Variants in GALNT17 observed in about 807,000 individuals in gnomAD.
The protein encoded by GALNT17 is UDP-GalNAc:polypeptide N-acetylgalactosaminyltransferase-like 3.
A neutral mutation model predicts 63.7 loss-of-function variants in GALNT17; 29 were observed. The ratio of observed to expected loss-of-function variants is 0.46; its 90% CI spans 0.34 to 0.62. The LOEUF is 0.62. Ranked by LOEUF, GALNT17 falls within the 20% of genes least tolerant of loss-of-function variation. The probability of loss-of-function intolerance (pLI) is 0.01; values close to 1 mark genes in which losing one functional copy is unlikely to be tolerated. For missense variants in GALNT17, 603 were observed against 799.6 expected (o/e 0.75, Z 2.97); for synonymous variants, 305 against 318.3 (o/e 0.96, Z 0.45).
intron 2 of GALNT17, among the ~76,000 whole-genome samples, chr7:71,357,344 T>C (rs890976766): frequency 3.3e-5 from 5 of 152,058 alleles, no homozygotes; most frequent in African/African-American, 7.2e-5. Flanking sequence ...TGTGCATGCA[T>C]TGCACGCTCC....
chr7:71,242,616 T>C (rs1165686439), intron 1 of GALNT17, among the ~76,000 whole-genome samples: 1 of 152,104 alleles, frequency 6.6e-6, no homozygotes, highest in Non-Finnish European at 1.5e-5. Flanking sequence ...ACGTCCAAAC[T>C]GATTCACCTC....
chr7:71,632,880 A>G (rs756820424), intron 6 of GALNT17, among the ~76,000 whole-genome samples: 1 of 152,020 alleles, frequency 6.6e-6, no homozygotes, highest in African/African-American at 2.4e-5. Flanking sequence ...GAGGTGGGTG[A>G]ATCACTTGAG....
intron 5 of GALNT17, among the ~76,000 whole-genome samples, chr7:71,524,309 C>G (rs1454488132): frequency 6.8e-6 from 1 of 147,022 alleles, no homozygotes; most frequent in Non-Finnish European, 1.5e-5. Flanking sequence ...TTAACTATTA[C>G]TATAACTAGT....
Position 71,427,146 on chromosome 7 carries a change from C to T in GALNT17, c.962+6041C>T, listed in dbSNP as rs865931363. On this transcript the variant is annotated intron_variant, in intron 5 of 10. Coordinates refer to ENST00000333538, the MANE Select transcript of GALNT17 (RefSeq NM_022479.3). ...CCAGGCTGGAGTGCAGTGGCATGAT[C>T]TTGGCTCACTGCAACCTCCACCTCC... 5.7e-4 allele frequency among the ~76,000 whole-genome samples: 84 copies of T among 147,134 alleles called. 1 individual carries two copies. Among genetic ancestry groups the T allele is most frequent in the Admixed American group, 3.8e-3 (56 of 14,656 alleles).
chr7:71,383,262 C>G (rs545363638), intron 2 of GALNT17, among the ~76,000 whole-genome samples: 1 of 152,112 alleles, frequency 6.6e-6, no homozygotes, highest in Non-Finnish European at 1.5e-5. Flanking sequence ...TCCAGATCCC[C>G]CTTGGATACC....
At position 71,670,072 on chromosome 7, in the gene GALNT17, A is replaced by G; in HGVS notation, c.1367A>G (p.Glu456Gly). The G allele has an allele frequency of 6.2e-7, 1 of 1,614,218 alleles. No individual in the cohort carries two copies. Among genetic ancestry groups the G allele is most frequent in the Non-Finnish European group, 8.5e-7 (1 of 1,180,040 alleles). Residue 456 changes from glutamate (E) to glycine (G), a missense_variant, in exon 8 of 11, where the codon GAA becomes GGA. Coordinates refer to ENST00000333538, the MANE Select transcript of GALNT17 (RefSeq NM_022479.3). Reference sequence around the variant, plus strand: ...TGGTACCTGGACCATGTTTACCCAGAAATGAGAAGATACAATAATACCGTT... The same window carrying G: ...TGGTACCTGGACCATGTTTACCCAGGAATGAGAAGATACAATAATACCGTT... ...FQWYLDHVYP[E>G]MRRYNNTVAY...
rs572777956 is a variant in GALNT17 at position 71,154,661 on chromosome 7, C to T, written c.238+21621C>T. 7.2e-4 allele frequency among the ~76,000 whole-genome samples: 109 copies of T among 152,234 alleles called. 5 individuals are homozygous for T. In the South Asian group the frequency reaches 0.021, roughly 30 times the overall value. On this transcript the variant is annotated intron_variant, in intron 1 of 10. Coordinates refer to ENST00000333538, the MANE Select transcript of GALNT17 (RefSeq NM_022479.3). ...GCACGATCTCGGCTCACTGCAAGCTCCGCCTCCCTGGTTCACGCCATTCTC... is the reference window on the plus strand; with the variant it reads ...GCACGATCTCGGCTCACTGCAAGCTTCGCCTCCCTGGTTCACGCCATTCTC...
intron 1 of GALNT17, among the ~76,000 whole-genome samples, chr7:71,156,696 G>C (rs180818551): frequency 0.032 from 3,757 of 118,956 alleles, 248 homozygotes; most frequent in African/African-American, 0.11. Flanking sequence ...CTTCCTCTCT[G>C]TCTCTCTGTC....
intron 2 of GALNT17, among the ~76,000 whole-genome samples, chr7:71,380,334 A>T (rs1373742499): frequency 1.3e-5 from 2 of 151,890 alleles, no homozygotes; most frequent in Admixed American, 6.6e-5. Flanking sequence ...ATTAGTATTA[A>T]TATTATTATT....
chr7:71,225,562 T>C (rs2116431020), intron 1 of GALNT17, among the ~76,000 whole-genome samples: 1 of 152,354 alleles, frequency 6.6e-6, no homozygotes, highest in East Asian at 1.9e-4. Context: ...ATGTTAGCTT[T>C]CAGACACAGA....
chr7:71,506,030 C>G (rs1788260365), intron 5 of GALNT17, among the ~76,000 whole-genome samples: 1 of 152,176 alleles, frequency 6.6e-6, no homozygotes, highest in African/African-American at 2.4e-5. Context: ...AGAAGTATTT[C>G]TTTGATACAC....
chr7:71,486,873 AC>A (rs1395335181), intron 5 of GALNT17, among the ~76,000 whole-genome samples: 1 of 151,576 alleles, frequency 6.6e-6, no homozygotes, highest in Non-Finnish European at 1.5e-5. Flanking sequence ...AAAAAAAAAA[AC>A]AAAAAAAAAC....
chr7:71,132,148 CTTGA>C lies in GALNT17; in HGVS notation c.-654_-651del, dbSNP rs1183315017. ...GCCCCCACTTTGAGAGTAATTGAGA[CTTGA>C]GCGTGACTGCGGAGCCTGGAGGATG... On this transcript the variant is annotated 5_prime_UTR_variant, in exon 1 of 11. Coordinates refer to ENST00000333538, the MANE Select transcript of GALNT17 (RefSeq NM_022479.3). 6.5e-6 allele frequency: 1 copy of C among 152,682 alleles called. No individual in the cohort carries two copies. The highest frequency in any genetic ancestry group is 1.5e-5 in the Non-Finnish European group (1 of 68,478). 9.5% of individuals were successfully genotyped at this position (152,682 alleles called of 1,614,324 possible). A position where few individuals can be genotyped will look rare whatever the true frequency, so the allele number is the denominator to read the frequency against.
intron 5 of GALNT17, among the ~76,000 whole-genome samples, chr7:71,558,500 T>C (rs921935395): frequency 6.6e-6 from 1 of 152,110 alleles, no homozygotes; most frequent in African/African-American, 2.4e-5. Flanking sequence ...GGCAGTGTAG[T>C]TTGCTGATGA....
chr7:71,610,722 C>T (rs1357062067), intron 6 of GALNT17, among the ~76,000 whole-genome samples: 3 of 151,858 alleles, frequency 2.0e-5, no homozygotes, highest in Non-Finnish European at 2.9e-5. Flanking sequence ...AGGCATGATG[C>T]GGTGGCTCAT....
At chr7:71,577,028 A>G (rs1238914912) in intron 6 of GALNT17, among the ~76,000 whole-genome samples, 1 of 152,202 alleles carries the variant, frequency 6.6e-6, no homozygotes, top group African/African-American at 2.4e-5. Context: ...ATACCATGCA[A>G]CCCTAAAAAA....
chr7:71,177,719 A>G (rs1210469099), intron 1 of GALNT17, among the ~76,000 whole-genome samples: 3 of 152,190 alleles, frequency 2.0e-5, no homozygotes, highest in Non-Finnish European at 4.4e-5. Flanking sequence ...AATTTTACCA[A>G]CGAGTTGCTC....
In GALNT17 at chr7:71,669,958, C is replaced by T; in HGVS notation, c.1267-14C>T. 1 of 1,613,820 alleles carries T rather than the reference C, an allele frequency of 6.2e-7. No homozygotes were observed. Among genetic ancestry groups the T allele is most frequent in the Non-Finnish European group, 8.5e-7 (1 of 1,179,810 alleles). On this transcript the variant is annotated splice_polypyrimidine_tract_variant and intron_variant, in intron 7 of 10. Coordinates refer to ENST00000333538, the MANE Select transcript of GALNT17 (RefSeq NM_022479.3). ...CACAGTCACTAACACCCCTTGGCTT[C>T]TCTCTCCTTTCAGAATCCGGGAATT...
At chr7:71,484,149 G>A (rs990825358) in intron 5 of GALNT17, among the ~76,000 whole-genome samples, 2 of 152,190 alleles carry the variant, frequency 1.3e-5, no homozygotes, top group South Asian at 4.1e-4. Context: ...AAAGTATAGT[G>A]TAGTAAATAC....
Sources: allele counts gnomAD v4.1 joint callset (sites outside exome capture counted in the v4.1 genomes callset), GRCh38; gene constraint gnomAD v4.1.1; transcripts MANE v1.5; gene names NCBI Gene and HGNC (gene_info 2026-07-23, HGNC 2026-07-21).